The following PSMA8 variants were observed in gnomAD, a reference collection of about 807,000 sequenced individuals.
PSMA8 encodes the protein proteasome 20S subunit alpha 8.
A neutral mutation model predicts 32.4 loss-of-function variants in PSMA8; 18 were observed. The observed-to-expected ratio is 0.56, with a 90% CI of 0.38 to 0.82. The LOEUF (loss-of-function observed/expected upper bound fraction) is 0.82, where lower values mean the gene tolerates loss of function less well. Ranked by LOEUF, PSMA8 falls within the 40% of genes least tolerant of loss-of-function variation. The pLI is 0.00. For missense variants in PSMA8, 298 were observed against 300.7 expected (o/e 0.99, Z 0.07); for synonymous variants, 104 against 98.1 (o/e 1.06, Z -0.36).
At chr18:26,139,856 G>A (rs1299389096) in intron 1 of PSMA8, among the ~76,000 whole-genome samples, 1 of 152,166 alleles carries the variant, frequency 6.6e-6, no homozygotes, top group African/African-American at 2.4e-5. Flanking sequence ...TTAAAATTAA[G>A]ATAAAAGAGA....
chr18:26,184,726 A>T (rs1327467792), intron 6 of PSMA8, among the ~76,000 whole-genome samples: 1 of 146,564 alleles, frequency 6.8e-6, no homozygotes, highest in Admixed American at 6.8e-5. Context: ...ATGTGTCGAG[A>T]TAGCGCCACT....
intron 4 of PSMA8, chr18:26,171,395 A>C: frequency 8.8e-7 from 1 of 1,131,690 alleles, no homozygotes; most frequent in Non-Finnish European, 1.3e-6. Flanking sequence ...GACTAATATA[A>C]CGTGTAATGG....
intron 6 of PSMA8, among the ~76,000 whole-genome samples, chr18:26,188,101 GA>G (rs1042007779): frequency 6.8e-5 from 10 of 146,674 alleles, no homozygotes; most frequent in South Asian, 2.1e-4. Context: ...GACCACAGTG[GA>G]AAAAAAAAAC....
In PSMA8 at chr18:26,158,016, G is replaced by A. The variant is rs536288883; in HGVS notation, c.355-106G>A. On this transcript the variant is annotated intron_variant, in intron 3 of 6. Transcript: ENST00000415576. ...AGGAAAAAGATCATTAATATATGTC[G>A]AATAAGAATTAGGGAAGTGGATCAT... is the stretch of plus-strand genomic sequence containing the variant. 1.1e-4 allele frequency: 78 copies of A among 728,354 alleles called. No homozygotes were observed. In the South Asian group the frequency reaches 1.5e-3, roughly 14 times the overall value. The allele number at this position is 728,354 out of a possible 1,614,324, so 45.1% of individuals were successfully genotyped here. A position where few individuals can be genotyped will look rare whatever the true frequency, so the allele number is the denominator to read the frequency against.
Position 26,151,847 on chromosome 18 carries a change from A to G in PSMA8, c.230-11A>G, listed in dbSNP as rs1305713872. 1 of 1,575,360 alleles carries G rather than the reference A, an allele frequency of 6.3e-7. No homozygotes were observed. Among genetic ancestry groups the G allele is most frequent in the East Asian group, 2.3e-5 (1 of 44,336 alleles). On this transcript the variant is annotated splice_polypyrimidine_tract_variant and intron_variant, in intron 2 of 6. Coordinates refer to ENST00000415576, the MANE Select transcript of PSMA8 (RefSeq NM_001025096.2). ...TTTGTGGTTTTTGTGAAGTTTTGAC[A>G]ATTTTTATAGGACTTACTGCTGATG...
intron 6 of PSMA8, among the ~76,000 whole-genome samples, chr18:26,180,080 G>A (rs754552295): frequency 1.3e-5 from 2 of 151,850 alleles, no homozygotes; most frequent in East Asian, 1.9e-4. Flanking sequence ...GTGAAACCCC[G>A]TCTCTACTAA....
chr18:26,134,458 C>G (rs1289449614), intron 1 of PSMA8, among the ~76,000 whole-genome samples: 4 of 151,592 alleles, frequency 2.6e-5, no homozygotes, highest in African/African-American at 9.7e-5. Context: ...ATTGAACGCT[C>G]GTGGTCCAGT....
At position 26,167,845 on chromosome 18, in the gene PSMA8, A is replaced by ATTT. The variant is rs762830746; in HGVS notation, c.477+9617_477+9619dup. 3.7e-3 allele frequency among the ~76,000 whole-genome samples: 440 copies of ATTT among 117,528 alleles called. 110 individuals are homozygous for ATTT. The highest frequency in any genetic ancestry group is 0.019 in the African/African-American group (409 of 21,304). The allele number at this position is 117,528 out of a possible 152,430, so 77.1% of individuals were successfully genotyped here. On this transcript the variant is annotated intron_variant, in intron 4 of 6. Coordinates refer to ENST00000415576, the MANE Select transcript of PSMA8 (RefSeq NM_001025096.2). ...TGGTTTATGCCACCTGGTCTGTGGT[A>ATTT]TTTTTTTTTTTTTTTTTTATTAACA...
At chr18:26,140,635 C>T (rs1244699200) in intron 1 of PSMA8, among the ~76,000 whole-genome samples, 2 of 152,154 alleles carry the variant, frequency 1.3e-5, no homozygotes, top group Non-Finnish European at 2.9e-5. Flanking sequence ...ATTTTGGCAT[C>T]AGCTTTCATA....
At chr18:26,136,695 T>C (rs2054914310) in intron 1 of PSMA8, among the ~76,000 whole-genome samples, 1 of 152,212 alleles carries the variant, frequency 6.6e-6, no homozygotes, top group Non-Finnish European at 1.5e-5. Context: ...TGACCTGATA[T>C]TTTCTTTAAT....
chr18:26,148,125 GA>G (rs1294837274), intron 2 of PSMA8, among the ~76,000 whole-genome samples: 3 of 152,094 alleles, frequency 2.0e-5, no homozygotes, highest in African/African-American at 7.2e-5. Flanking sequence ...CAGTCCTTCT[GA>G]AACTCTTCCA....
intron 4 of PSMA8, among the ~76,000 whole-genome samples, chr18:26,171,563 G>A (rs1039765255): frequency 3.9e-5 from 6 of 152,220 alleles, no homozygotes; most frequent in East Asian, 1.9e-4. Context: ...GCGAAACCCC[G>A]TCTCTACTAA....
intron 4 of PSMA8, among the ~76,000 whole-genome samples, chr18:26,159,815 G>A (rs991112413): frequency 1.1e-4 from 17 of 151,914 alleles, no homozygotes; most frequent in Admixed American, 1.1e-3. Flanking sequence ...CGGCGCACTC[G>A]CTTGCATACA....
chr18:26,178,776 C>A, intron 4 of PSMA8, 54 bp from the exon 5 acceptor site: 1 of 1,524,386 alleles, frequency 6.6e-7, no homozygotes, highest in South Asian at 1.2e-5. Flanking sequence ...ACTTAGTAAC[C>A]ATAAATTCAT....
intron 4 of PSMA8, among the ~76,000 whole-genome samples, chr18:26,162,489 T>C (rs746206472): frequency 6.6e-6 from 1 of 152,160 alleles, no homozygotes; most frequent in African/African-American, 2.4e-5. Context: ...CCAATTACAT[T>C]AAATTAACTA....
intron 3 of PSMA8, among the ~76,000 whole-genome samples, chr18:26,154,191 T>A (rs989766456): frequency 6.6e-6 from 1 of 152,190 alleles, no homozygotes; most frequent in Admixed American, 6.5e-5. Flanking sequence ...CATGAGCCAC[T>A]GCGCCCAGTC....
intron 1 of PSMA8, among the ~76,000 whole-genome samples, chr18:26,135,936 G>T (rs1476290011): frequency 6.6e-6 from 1 of 152,122 alleles, no homozygotes; most frequent in Non-Finnish European, 1.5e-5. Context: ...TTTCCTTGAG[G>T]GTGCTGTGAC....
At chr18:26,174,151 G>T (rs1286243288) in intron 4 of PSMA8, among the ~76,000 whole-genome samples, 5 of 152,124 alleles carry the variant, frequency 3.3e-5, no homozygotes, top group African/African-American at 4.8e-5. Context: ...GAGTGAAAAC[G>T]TAATATTTAT....
At chr18:26,190,894 A>G (rs377716001) in intron 6 of PSMA8, among the ~76,000 whole-genome samples, 1 of 152,370 alleles carries the variant, frequency 6.6e-6, no homozygotes, top group East Asian at 1.9e-4. Flanking sequence ...GGACTCCTTA[A>G]TAGCAGGTAA....
Sources: gnomAD v4.1 joint callset for allele counts (sites outside exome capture counted in the v4.1 genomes callset) on GRCh38, gnomAD v4.1.1 for gene constraint, MANE v1.5 for transcripts, NCBI Gene and HGNC (gene_info 2026-07-23, HGNC 2026-07-21) for gene names.